ERCC6L: variants seen among roughly 807,000 people sequenced by gnomAD.
ERCC6L encodes ERCC excision repair 6 like, spindle assembly checkpoint helicase.
A neutral mutation model predicts 20.1 loss-of-function variants in ERCC6L; 7 were observed. The observed-to-expected ratio is 0.35, with a 90% CI of 0.20 to 0.65. The LOEUF (loss-of-function observed/expected upper bound fraction) is 0.65, where lower values mean the gene tolerates loss of function less well. Ranked by LOEUF, ERCC6L falls within the 30% of genes least tolerant of loss-of-function variation. ERCC6L has a pLI of 0.69. For synonymous variants in ERCC6L, 278 were observed against 331.3 expected, an observed-to-expected ratio of 0.84 and a Z score of 1.75; for missense variants, 592 against 892.4, an observed-to-expected ratio of 0.66 and a Z score of 4.29.
At chrX:72,235,483 C>T (rs1313544672) in intron 1 of ERCC6L, among the ~76,000 whole-genome samples, 1 of 107,588 alleles carries the variant, frequency 9.3e-6, no homozygotes, top group Admixed American at 1.0e-4. Flanking sequence ...GCAACCTCCA[C>T]CTCCTGGGTT....
chrX:72,208,106 C>A lies in ERCC6L; in HGVS notation c.661G>T (p.Val221Leu). The A allele has an allele frequency of 8.3e-7, 1 of 1,211,765 alleles. No individual in the cohort carries two copies. Residue 221 changes from valine to leucine, a missense_variant, in exon 2 of 2, where the codon GTG (valine) becomes TTG (leucine). Physicochemically the swap from Val to Leu is conservative, Grantham distance 32. Transcript: ENST00000334463. ...TCATCGAGGATGACATAGTCCCACA[C>A]AAACTCTTGGCCCCTAAAGCTTGAA... is the stretch of plus-strand genomic sequence containing the variant. ...QLSSFRGQEF[V>L]WDYVILDEAH... is the part of the protein sequence containing the mutation.
At chrX:72,214,368 C>CA (rs1250404466) in intron 1 of ERCC6L, among the ~76,000 whole-genome samples, 1 of 111,856 alleles carries the variant, frequency 8.9e-6, no homozygotes, top group African/African-American at 3.2e-5. Flanking sequence ...ATTTAAGAGT[C>CA]AAAAAAACAA....
intron 1 of ERCC6L, among the ~76,000 whole-genome samples, chrX:72,228,067 G>C (rs1291379591): frequency 5.4e-5 from 6 of 111,675 alleles, no homozygotes; most frequent in Non-Finnish European, 1.1e-4. Flanking sequence ...CTCTGTCTTT[G>C]CCTCTTTTAA....
intron 1 of ERCC6L, among the ~76,000 whole-genome samples, chrX:72,218,114 C>T (rs1338301861): frequency 1.8e-5 from 2 of 109,574 alleles, no homozygotes; most frequent in African/African-American, 6.6e-5. Context: ...ACTAAAAATA[C>T]AAAAAATTAG....
At chrX:72,223,032 A>G (rs1380506921) in intron 1 of ERCC6L, among the ~76,000 whole-genome samples, 1 of 107,647 alleles carries the variant, frequency 9.3e-6, no homozygotes, top group African/African-American at 3.4e-5. Flanking sequence ...TCCAGAAAAT[A>G]TTACAAAAAT....
intron 1 of ERCC6L, among the ~76,000 whole-genome samples, chrX:72,223,802 C>T (rs1034044671): frequency 4.5e-5 from 5 of 111,779 alleles, no homozygotes; most frequent in East Asian, 2.8e-4. Flanking sequence ...AGGGAAACTC[C>T]GTCACCTCTC....
chrX:72,235,081 G>A (rs1386638643), intron 1 of ERCC6L, among the ~76,000 whole-genome samples: 1 of 112,079 alleles, frequency 8.9e-6, no homozygotes, highest in African/African-American at 3.2e-5. Context: ...TATTGCTGCC[G>A]TTACAAATCA....
chrX:72,224,635 A>G (rs2042944128), intron 1 of ERCC6L, among the ~76,000 whole-genome samples: 1 of 111,124 alleles, frequency 9.0e-6, no homozygotes, highest in Non-Finnish European at 1.9e-5. Flanking sequence ...AATCCCAGCT[A>G]CTCGGAGGCT....
chrX:72,219,704 G>A (rs1569491004), intron 1 of ERCC6L, among the ~76,000 whole-genome samples: 1 of 104,028 alleles, frequency 9.6e-6, no homozygotes, highest in African/African-American at 3.5e-5. Context: ...AAAAAAATTA[G>A]CGGGCGTGGT....
chrX:72,235,176 AGGTCTCACT>A (rs1025597475), intron 1 of ERCC6L, among the ~76,000 whole-genome samples: 1 of 111,869 alleles, frequency 8.9e-6, no homozygotes, highest in Non-Finnish European at 1.9e-5. Context: ...AGTCTGACAC[AGGTCTCACT>A]GGGCTAAAAT....
chrX:72,217,939 G>A (rs1206448340), intron 1 of ERCC6L, among the ~76,000 whole-genome samples: 1 of 111,668 alleles, frequency 9.0e-6, no homozygotes, highest in Non-Finnish European at 1.9e-5. Flanking sequence ...GGAACTATGA[G>A]TCCTCTAACT....
At position 72,205,555 on chromosome X, in the gene ERCC6L, G is replaced by A; in HGVS notation, c.3212C>T (p.Pro1071Leu). The A allele has an allele frequency of 8.3e-7, 1 of 1,210,894 alleles. No homozygotes were observed. The highest frequency in any genetic ancestry group is 1.1e-6 in the Non-Finnish European group (1 of 894,811). Residue 1071 changes from proline to leucine, a missense_variant, in exon 2 of 2, where the codon CCA becomes CTA. Physicochemically the swap from Pro to Leu is moderately conservative, Grantham distance 98. Coordinates refer to ENST00000334463, the MANE Select transcript of ERCC6L (RefSeq NM_017669.4). ...TATTTGAGATGAAAAGAACCTTCCTGGTGGACTGATGTCATTTTTGGGAGT... is the reference window on the plus strand; with the variant it reads ...TATTTGAGATGAAAAGAACCTTCCTAGTGGACTGATGTCATTTTTGGGAGT... ...ASTPKNDISP[P>L]GRFFSSQIPS...
chrX:72,229,101 C>T (rs1362969501), intron 1 of ERCC6L, among the ~76,000 whole-genome samples: 1 of 111,563 alleles, frequency 9.0e-6, no homozygotes, highest in Non-Finnish European at 1.9e-5. Context: ...ACGCCTCAAG[C>T]CTCAAGACTC....
chrX:72,238,999 T>G lies in ERCC6L; in HGVS notation c.-88A>C. The stretch of plus-strand genomic sequence containing the variant: ...AGCTTGGAGCTTAGAGTTTGGAGCT[T>G]GAATTTCGCTCACTCCCGCCCCGCG... On this transcript the variant is annotated 5_prime_UTR_variant, in exon 1 of 2. Coordinates refer to ENST00000334463, the MANE Select transcript of ERCC6L (RefSeq NM_017669.4). 1.1e-6 allele frequency: 1 copy of G among 929,808 alleles called. No individual in the cohort carries two copies. Among genetic ancestry groups the G allele is most frequent in the Non-Finnish European group, 1.5e-6 (1 of 663,256 alleles). 76.6% of individuals were successfully genotyped at this position (929,808 alleles called of 1,213,427 possible).
intron 1 of ERCC6L, among the ~76,000 whole-genome samples, chrX:72,218,495 CTT>C (rs200615272): frequency 9.3e-5 from 9 of 97,099 alleles, no homozygotes; most frequent in African/African-American, 7.5e-5. Context: ...ATTTCTTTCT[CTT>C]TTTTTTTTTT....
intron 1 of ERCC6L, among the ~76,000 whole-genome samples, chrX:72,215,750 G>A (rs1418686218): frequency 1.8e-5 from 2 of 111,008 alleles, no homozygotes; most frequent in Admixed American, 9.7e-5. Flanking sequence ...CAAACTCCAT[G>A]GACAGTTCTT....
At chrX:72,220,541 C>G (rs1161500694) in intron 1 of ERCC6L, among the ~76,000 whole-genome samples, 1 of 111,378 alleles carries the variant, frequency 9.0e-6, no homozygotes, top group African/African-American at 3.3e-5. Context: ...ATTCCAAACT[C>G]CTCCCTGACC....
intron 1 of ERCC6L, among the ~76,000 whole-genome samples, chrX:72,232,271 A>AT (rs2042987859): frequency 1.3e-5 from 1 of 76,453 alleles, no homozygotes; most frequent in Admixed American, 1.5e-4. Context: ...AGGAAGGAGT[A>AT]TTAAAAAAAA....
rs923557190 is a variant in ERCC6L, at chrX:72,206,087, T to C, written c.2680A>G (p.Asn894Asp). ...GTTATGGAAATAATGGGCCAAGGAT[T>C]GCAATGACGTAAAATCTCATCATCC... ...LKDDEILRHC[N>D]PWPIISITNE... The change falls in exon 2 of 2, where the codon AAT becomes GAT. Residue 894 changes from asparagine (N) to aspartate (D), a missense_variant. Physicochemically the swap from Asn to Asp is conservative, Grantham distance 23. This residue lies in a region of ERCC6L where 352 missense variants were observed against 402.6 expected (regional missense o/e 0.87). Coordinates refer to ENST00000334463, the MANE Select transcript of ERCC6L (RefSeq NM_017669.4). 1 of 1,209,438 alleles carries C rather than the reference T, an allele frequency of 8.3e-7. No individual in the cohort carries two copies. The highest frequency in any genetic ancestry group is 1.7e-5 in the African/African-American group (1 of 57,338).
Sources: allele counts gnomAD v4.1 joint callset (sites outside exome capture counted in the v4.1 genomes callset), GRCh38; gene constraint gnomAD v4.1.1; regional missense constraint gnomAD v4.1.1; transcripts MANE v1.5; gene names NCBI Gene and HGNC (gene_info 2026-07-23, HGNC 2026-07-21).